DPY19L2: variants seen among roughly 807,000 people sequenced by gnomAD.
DPY19L2 encodes the protein probable C-mannosyltransferase DPY19L2.
A neutral mutation model predicts 97.9 loss-of-function variants in DPY19L2; 34 were observed. The observed-to-expected ratio is 0.35, with a 90% CI of 0.26 to 0.46. The LOEUF (loss-of-function observed/expected upper bound fraction) is 0.46. Ranked by LOEUF, DPY19L2 falls within the 20% of genes least tolerant of loss-of-function variation. DPY19L2 has a pLI of 1.00. For missense variants in DPY19L2, 623 were observed against 911.4 expected (o/e 0.68, Z 4.07); for synonymous variants, 230 against 307.9 (o/e 0.75, Z 2.65).
chr12:63,656,739 CCA>C (rs1300820139), intron 4 of DPY19L2, among the ~76,000 whole-genome samples: 1 of 152,100 alleles, frequency 6.6e-6, no homozygotes, highest in Non-Finnish European at 1.5e-5. Context: ...TTTCCTTCCT[CCA>C]CTTTTTTTTC....
intron 11 of DPY19L2, among the ~76,000 whole-genome samples, chr12:63,610,994 C>T (rs929177701): frequency 1.3e-5 from 2 of 151,476 alleles, no homozygotes; most frequent in African/African-American, 4.8e-5. Flanking sequence ...CATCACTTAT[C>T]ATCAGGGAAA....
intron 6 of DPY19L2, among the ~76,000 whole-genome samples, chr12:63,633,011 T>C (rs1225587332): frequency 1.3e-5 from 2 of 152,132 alleles, no homozygotes; most frequent in Non-Finnish European, 2.9e-5. Context: ...TGGCTAGCCA[T>C]ATGTAGAAAG....
upstream of DPY19L2, chr12:63,668,627 C>T (rs1377452810): frequency 5.6e-6 from 3 of 536,696 alleles, no homozygotes; most frequent in Non-Finnish European, 9.9e-6. Context: ...GCGAGCAGCA[C>T]CCCCGCCTCT....
intron 6 of DPY19L2, among the ~76,000 whole-genome samples, chr12:63,627,951 C>G (rs1378926970): frequency 6.6e-6 from 1 of 152,124 alleles, no homozygotes; most frequent in African/African-American, 2.4e-5. Context: ...AATAAAGTTT[C>G]ACTCAGAAAA....
chr12:63,567,742 T>C (rs1878014571), intron 21 of DPY19L2, among the ~76,000 whole-genome samples: 1 of 152,060 alleles, frequency 6.6e-6, no homozygotes, highest in Non-Finnish European at 1.5e-5. Context: ...ATCTGGAAAA[T>C]GTATTTTTGG....
chr12:63,644,065 A>G (rs1252667861), intron 6 of DPY19L2, among the ~76,000 whole-genome samples: 1 of 152,172 alleles, frequency 6.6e-6, no homozygotes, highest in Non-Finnish European at 1.5e-5. Flanking sequence ...TCATCCTTAG[A>G]GAATACAATT....
intron 8 of DPY19L2, among the ~76,000 whole-genome samples, 193 bp from the exon 9 acceptor site, chr12:63,621,530 A>G (rs1358003269): frequency 6.6e-6 from 1 of 152,214 alleles, no homozygotes; most frequent in African/African-American, 2.4e-5. Flanking sequence ...AAGCAATCAA[A>G]ATTAGAGTTT....
intron 21 of DPY19L2, among the ~76,000 whole-genome samples, chr12:63,562,277 A>G (rs2939887): frequency 2.0e-5 from 3 of 152,102 alleles, no homozygotes; most frequent in Non-Finnish European, 4.4e-5. Context: ...TAATTATTGC[A>G]TGCTTTCTTT....
intron 16 of DPY19L2, among the ~76,000 whole-genome samples, chr12:63,584,834 T>C (rs570204459): frequency 6.6e-4 from 101 of 152,312 alleles, no homozygotes; most frequent in African/African-American, 2.3e-3. Context: ...AAAAACATCA[T>C]ATGCTGAGGT....
chr12:63,633,768 T>C (rs1195851329), intron 6 of DPY19L2, among the ~76,000 whole-genome samples: 1 of 152,174 alleles, frequency 6.6e-6, no homozygotes, highest in African/African-American at 2.4e-5. Flanking sequence ...TGCACACGTA[T>C]GTTTATTGTG....
Position 63,580,771 on chromosome 12 carries a change from C to A in DPY19L2, c.1791G>T (p.Met597Ile). The A allele has an allele frequency of 6.2e-7, 1 of 1,613,614 alleles. No individual in the cohort carries two copies. Reference sequence around the variant, plus strand: ...GGAGGTTTGCATAACCTTGTATTGACATCACTGTTAAAATGCCAAAGATAA... The same window carrying A: ...GGAGGTTTGCATAACCTTGTATTGAAATCACTGTTAAAATGCCAAAGATAA... ...EKVIFGILTV[M>I]SIQGYANLRN... is the part of the protein sequence containing the mutation. The change falls in exon 19 of 22, where the codon ATG (methionine) becomes ATT (isoleucine). Residue 597 changes from methionine (M) to isoleucine (I), a missense_variant. Met to Ile is a conservative substitution (Grantham distance 10). Coordinates refer to ENST00000324472, the MANE Select transcript of DPY19L2 (RefSeq NM_173812.5).
intron 1 of DPY19L2, 80 bp downstream of exon 1, chr12:63,667,977 G>C: frequency 6.7e-7 from 1 of 1,496,796 alleles, no homozygotes; most frequent in Non-Finnish European, 9.0e-7. Context: ...ACAAACCCTT[G>C]CTTGTTAAAC....
intron 6 of DPY19L2, among the ~76,000 whole-genome samples, chr12:63,626,865 G>A (rs914342625): frequency 2.6e-5 from 4 of 151,950 alleles, no homozygotes; most frequent in South Asian, 2.1e-4. Context: ...AGCAACCTCC[G>A]CCTCCTGGGT....
At chr12:63,648,601 T>C (rs922772729) in intron 4 of DPY19L2, among the ~76,000 whole-genome samples, 7 of 152,016 alleles carry the variant, frequency 4.6e-5, no homozygotes, top group African/African-American at 1.7e-4. Context: ...CTAATTTTTA[T>C]ATATTTAGTA....
intron 11 of DPY19L2, among the ~76,000 whole-genome samples, chr12:63,610,474 G>C (rs1272000685): frequency 6.6e-6 from 1 of 151,470 alleles, no homozygotes; most frequent in African/African-American, 2.4e-5. Flanking sequence ...ATAGATTATA[G>C]AGCAACTATG....
chr12:63,565,529 A>G (rs1276582990), intron 21 of DPY19L2, among the ~76,000 whole-genome samples: 3 of 152,168 alleles, frequency 2.0e-5, no homozygotes, highest in African/African-American at 7.2e-5. Flanking sequence ...TAATAAGGAT[A>G]ATCTCCACAT....
At chr12:63,630,275 T>C (rs1183418505) in intron 6 of DPY19L2, among the ~76,000 whole-genome samples, 7 of 151,980 alleles carry the variant, frequency 4.6e-5, no homozygotes, top group Non-Finnish European at 7.4e-5. Context: ...GACTGGCAAA[T>C]TGGATCAAGA....
intron 9 of DPY19L2, among the ~76,000 whole-genome samples, chr12:63,620,490 T>C (rs1443527104): frequency 2.6e-5 from 4 of 152,140 alleles, no homozygotes; most frequent in Non-Finnish European, 5.9e-5. Flanking sequence ...AAATAACATT[T>C]GTGAATAAAA....
intron 4 of DPY19L2, among the ~76,000 whole-genome samples, chr12:63,658,859 C>CA (rs34716830): frequency 2.6e-5 from 4 of 152,022 alleles, no homozygotes; most frequent in Non-Finnish European, 5.9e-5. Context: ...ACCATAATGA[C>CA]AAAAAGAATA....
Sources: allele counts gnomAD v4.1 joint callset (sites outside exome capture counted in the v4.1 genomes callset), GRCh38; gene constraint gnomAD v4.1.1; transcripts MANE v1.5; gene names NCBI Gene and HGNC (gene_info 2026-07-23, HGNC 2026-07-21).